Variants in DIAPH2 observed in about 807,000 individuals in gnomAD.
DIAPH2 encodes diaphanous related formin 2.
Under a neutral mutation model 92.7 loss-of-function variants are expected in DIAPH2, and 35 were observed. The observed-to-expected ratio is 0.38, with a 90% confidence interval of 0.29 to 0.50. DIAPH2 has a LOEUF of 0.50. DIAPH2 is among the 20% of genes least tolerant of loss of function. The pLI, the probability that DIAPH2 is intolerant of heterozygous loss-of-function variation, is 0.94. For synonymous variants in DIAPH2, 301 were observed against 280.4 expected (o/e 1.07, Z -0.73); for missense variants, 701 against 819.5 (o/e 0.86, Z 1.77).
intron 22 of DIAPH2, among the ~76,000 whole-genome samples, chrX:97,153,533 C>T (rs1431700890): frequency 9.1e-6 from 1 of 110,303 alleles, no homozygotes; most frequent in East Asian, 2.8e-4. Flanking sequence ...TGCAATGAGC[C>T]GAGATTACAC....
Position 96,806,662 on chromosome X carries a change from A to AAAT in DIAPH2, c.447+48406_447+48407insTAA, listed in dbSNP as rs1273349100. ...ACTCCATCTCAAAAAAAAAAAAAAAAAAGAAACAAAGAAATTATATTTCAT... is the reference window on the plus strand; with the variant it reads ...ACTCCATCTCAAAAAAAAAAAAAAAAAATAAGAAACAAAGAAATTATATTTCAT... On this transcript the variant is annotated intron_variant, in intron 4 of 26. Transcript: ENST00000324765. Among the ~76,000 whole-genome samples the AAAT allele has an allele frequency of 1.9e-5, 2 of 104,857 alleles. 1 individual carries two copies. Among genetic ancestry groups the AAAT allele is most frequent in the Non-Finnish European group, 3.9e-5 (2 of 51,456 alleles). 91.1% of individuals were successfully genotyped at this position (104,857 alleles called of 115,157 possible). A position where few individuals can be genotyped will look rare whatever the true frequency, so the allele number is the denominator to read the frequency against.
At chrX:97,317,271 ACTTC>A (rs2068848464) in intron 23 of DIAPH2, among the ~76,000 whole-genome samples, 1 of 111,813 alleles carries the variant, frequency 8.9e-6, no homozygotes, top group African/African-American at 3.2e-5. Flanking sequence ...CTTATGATTA[ACTTC>A]CTTAAACTCA....
intron 23 of DIAPH2, among the ~76,000 whole-genome samples, chrX:97,318,437 G>A (rs1038319003): frequency 9.9e-5 from 10 of 101,247 alleles, no homozygotes; most frequent in Non-Finnish European, 1.8e-4. Context: ...ACGCCCTGCC[G>A]CCCACTGGTC....
At chrX:96,893,243 A>G (rs758460693) in intron 5 of DIAPH2, among the ~76,000 whole-genome samples, 15 of 111,713 alleles carry the variant, frequency 1.3e-4, no homozygotes, top group Non-Finnish European at 2.6e-4. Context: ...AGGAGGTGGA[A>G]CTTTTCCAAA....
intron 1 of DIAPH2, among the ~76,000 whole-genome samples, chrX:96,687,441 TTTC>T (rs1347298608): frequency 4.6e-5 from 5 of 109,501 alleles, no homozygotes; most frequent in African/African-American, 1.7e-4. Flanking sequence ...CATATTTTCT[TTTC>T]TTTTTTTTTT....
In DIAPH2 at chrX:97,030,292, C is replaced by T. The variant is rs113961971; in HGVS notation, c.2051-42649C>T. On this transcript the variant is annotated intron_variant, in intron 17 of 26. Transcript: ENST00000324765. ...AGAAATCCTCAAAAGGTATAATTAA[C>T]GAGACTATTATTGATAGAGAAATAA... Among the ~76,000 whole-genome samples, 456 of 111,237 alleles carry T rather than the reference C, an allele frequency of 4.1e-3. 4 individuals carry two copies. Among genetic ancestry groups the T allele is most frequent in the Middle Eastern group, 4.7e-3 (1 of 215 alleles).
chrX:97,484,886 A>G (rs776983853), intron 26 of DIAPH2, among the ~76,000 whole-genome samples: 22 of 111,202 alleles, frequency 2.0e-4, no homozygotes, highest in African/African-American at 6.2e-4. Flanking sequence ...CAGAGCGAGA[A>G]AAAAAAAAGA....
chrX:96,805,548 T>C (rs886709264), intron 4 of DIAPH2, among the ~76,000 whole-genome samples: 2 of 111,344 alleles, frequency 1.8e-5, no homozygotes, highest in African/African-American at 6.5e-5. Context: ...ATTCCTTTGG[T>C]AATATAGGGG....
chrX:96,876,936 G>A (rs920253583), intron 4 of DIAPH2, among the ~76,000 whole-genome samples: 24 of 110,553 alleles, frequency 2.2e-4, no homozygotes, highest in Admixed American at 5.8e-4. Context: ...AATGCAAATT[G>A]CATATTAAAT....
chrX:97,283,631 C>T (rs1001027793), intron 23 of DIAPH2, among the ~76,000 whole-genome samples: 4 of 112,685 alleles, frequency 3.5e-5, no homozygotes, highest in African/African-American at 9.7e-5. Flanking sequence ...TCTTTGTACT[C>T]GTGGGATGAT....
chrX:96,957,429 C>A (rs1351296457), intron 15 of DIAPH2, among the ~76,000 whole-genome samples: 1 of 111,829 alleles, frequency 8.9e-6, no homozygotes, highest in Non-Finnish European at 1.9e-5. Context: ...AAAACACATC[C>A]TTCTTCACAT....
intron 9 of DIAPH2, among the ~76,000 whole-genome samples, chrX:96,928,631 A>C (rs1218761629): frequency 9.0e-6 from 1 of 111,108 alleles, no homozygotes; most frequent in Non-Finnish European, 1.9e-5. Flanking sequence ...TTATGTTGGA[A>C]AATGACATGA....
intron 26 of DIAPH2, among the ~76,000 whole-genome samples, chrX:97,516,473 G>T (rs141789535): frequency 0.028 from 3,074 of 111,241 alleles, 100 homozygotes; most frequent in African/African-American, 0.096. Context: ...ATATATCCTA[G>T]AATTTTCAAA....
In DIAPH2 at chrX:96,761,788, C is replaced by A. The variant is rs180847095; in HGVS notation, c.447+3530C>A. Among the ~76,000 whole-genome samples the A allele has an allele frequency of 8.2e-4, 91 of 110,617 alleles. No individual in the cohort carries two copies. In the East Asian group the frequency reaches 0.017, roughly 21 times the overall value. ...TAAATAAACAAGGGACAAATACGAC[C>A]TCTGTCTTTTCGGTGGGAGGAAATA... On this transcript the variant is annotated intron_variant, in intron 4 of 26. Coordinates refer to ENST00000324765, the MANE Select transcript of DIAPH2 (RefSeq NM_006729.5).
chrX:97,534,584 T>G (rs1224907149), intron 26 of DIAPH2, among the ~76,000 whole-genome samples: 1 of 111,723 alleles, frequency 9.0e-6, no homozygotes, highest in African/African-American at 3.2e-5. Context: ...TTTTATTTCT[T>G]AATTTTAAAA....
intron 4 of DIAPH2, among the ~76,000 whole-genome samples, chrX:96,800,528 C>A (rs1400166085): frequency 8.9e-6 from 1 of 111,958 alleles, no homozygotes; most frequent in Non-Finnish European, 1.9e-5. Context: ...ATGTTATATA[C>A]TTGAGCTCTT....
At chrX:96,972,045 G>A (rs752741707) in intron 17 of DIAPH2, among the ~76,000 whole-genome samples, 3 of 111,376 alleles carry the variant, frequency 2.7e-5, no homozygotes, top group Admixed American at 9.5e-5. Context: ...AAACTTCACC[G>A]CCTGGGTTTT....
chrX:96,818,043 G>A (rs1211453831), intron 4 of DIAPH2, among the ~76,000 whole-genome samples: 10 of 26,774 alleles, frequency 3.7e-4, no homozygotes, highest in Non-Finnish European at 6.6e-4. Context: ...GTGCAGTGGC[G>A]CGATCTCGGC....
intron 17 of DIAPH2, among the ~76,000 whole-genome samples, chrX:96,970,350 GTTGTTTGTTTGT>G (rs147570185): frequency 9.4e-6 from 1 of 106,055 alleles, no homozygotes; most frequent in Admixed American, 1.0e-4. Context: ...TCTGGGTGTT[GTTGTTTGTTTGT>G]TTGTTTGTTT....
Sources: gnomAD v4.1 joint callset for allele counts (sites outside exome capture counted in the v4.1 genomes callset) on GRCh38, gnomAD v4.1.1 for gene constraint, MANE v1.5 for transcripts, NCBI Gene and HGNC (gene_info 2026-07-23, HGNC 2026-07-21) for gene names.